TTC38: variants seen among roughly 807,000 people sequenced by gnomAD.
TTC38 encodes tetratricopeptide repeat protein 38.
A neutral mutation model predicts 64.2 loss-of-function variants in TTC38; 64 were observed. That is an observed-to-expected ratio of 1.00 (90% CI 0.81 to 1.23). The LOEUF is 1.23. Ranked by LOEUF, TTC38 falls within the 50% of genes most tolerant of loss-of-function variation. The pLI is 0.00. For synonymous variants in TTC38, 254 were observed against 249.3 expected, an observed-to-expected ratio of 1.02 and a Z score of -0.18; for missense variants, 573 against 615.5, an observed-to-expected ratio of 0.93 and a Z score of 0.73.
intron 13 of TTC38, among the ~76,000 whole-genome samples, chr22:46,290,923 T>C (rs2077610702): frequency 6.6e-6 from 1 of 152,112 alleles, no homozygotes; most frequent in South Asian, 2.1e-4. Context: ...AAAGGAAGAA[T>C]AGAGGAGTCA....
Position 46,274,380 on chromosome 22 carries a change from A to G in TTC38, c.365+311A>G, listed in dbSNP as rs1297015910. Among the ~76,000 whole-genome samples, 1 of 152,234 alleles carries G rather than the reference A, an allele frequency of 6.6e-6. No homozygotes were observed. The highest frequency in any genetic ancestry group is 1.5e-5 in the Non-Finnish European group (1 of 68,038). On this transcript the variant is annotated intron_variant, in intron 4 of 13. Coordinates refer to ENST00000381031, the MANE Select transcript of TTC38 (RefSeq NM_017931.4). This position sits in a 1 kb window ranked among gnomAD's most constrained non-coding sequence, Gnocchi z 4.8. ...GTCACACTACAGAAATTACTAGGTT[A>G]GGGAAGAGAGAAGAAAACATGCTTC... is the stretch of plus-strand genomic sequence containing the variant.
intron 2 of TTC38, among the ~76,000 whole-genome samples, chr22:46,269,470 G>A (rs2147782568): frequency 6.6e-6 from 1 of 152,328 alleles, no homozygotes; most frequent in Non-Finnish European, 1.5e-5. Context: ...TGACTTGAAG[G>A]TTGTCCATGA....
chr22:46,292,995 C>G lies in TTC38; in HGVS notation c.*111C>G. 1 of 771,362 alleles carries G rather than the reference C, an allele frequency of 1.3e-6. No homozygotes were observed. The highest frequency in any genetic ancestry group is 2.2e-6 in the Non-Finnish European group (1 of 451,444). 47.8% of individuals were successfully genotyped at this position (771,362 alleles called of 1,614,324 possible). On this transcript the variant is annotated 3_prime_UTR_variant, in exon 14 of 14. Transcript: ENST00000381031. This position sits in a 1 kb window ranked among gnomAD's most constrained non-coding sequence, Gnocchi z 6.5. ...GACGGCCAGAGCCTGTTTGTTAGGG[C>G]TGTTAGAGGGTGATCTTCAGTTTTA...
chr22:46,290,478 C>T (rs6008545), intron 13 of TTC38, among the ~76,000 whole-genome samples: 14,412 of 125,122 alleles, frequency 0.12, 2,032 homozygotes, highest in African/African-American at 0.32. Context: ...AGGAGGGTGG[C>T]GTGGCTGGAG....
rs1462279741 is a variant in TTC38, at chr22:46,285,275, C to A, written c.830C>A (p.Thr277Asn). 1 of 1,614,106 alleles carries A rather than the reference C, an allele frequency of 6.2e-7. No homozygotes were observed. The highest frequency in any genetic ancestry group is 1.1e-5 in the South Asian group (1 of 91,076). Residue 277 changes from threonine to asparagine, a missense_variant, in exon 9 of 14, where the codon ACC becomes AAC. Around this residue, in one of 3 missense-constraint regions of TTC38, gnomAD observed 371 missense variants for 381.8 expected, o/e 0.97. Transcript: ENST00000381031. ...EYEAALTIYDTHILPSLQAND... is the reference protein window; with the variant it reads ...EYEAALTIYDNHILPSLQAND... Reference sequence around the variant, plus strand: ...GAGGCCGCGCTGACCATCTACGATACCCACGTAAGTTGCATTCACACCGTG... The same window carrying A: ...GAGGCCGCGCTGACCATCTACGATAACCACGTAAGTTGCATTCACACCGTG...
In TTC38 at chr22:46,278,567, T is replaced by C. The variant is rs1569019254; in HGVS notation, c.540-19T>C. The C allele has an allele frequency of 6.2e-7, 1 of 1,606,136 alleles. No homozygotes were observed. Among genetic ancestry groups the C allele is most frequent in the Admixed American group, 1.7e-5 (1 of 60,018 alleles). ...CCATCCATCATTTTGTATTCTGAGATCTTTTTTTCTGTTTTTAGCTATGTG... is the reference window on the plus strand; with the variant it reads ...CCATCCATCATTTTGTATTCTGAGACCTTTTTTTCTGTTTTTAGCTATGTG... On this transcript the variant is annotated intron_variant, in intron 5 of 13. Coordinates refer to ENST00000381031, the MANE Select transcript of TTC38 (RefSeq NM_017931.4).
chr22:46,284,111 G>A lies in TTC38; in HGVS notation c.795+79G>A, dbSNP rs894612589. On this transcript the variant is annotated intron_variant, in intron 8 of 13. Coordinates refer to ENST00000381031, the MANE Select transcript of TTC38 (RefSeq NM_017931.4). ...GAAAGATTTTTCTAGCTTTTGCTAT[G>A]TATTCACATCCGTTGGAGCCCTGAT... The A allele has an allele frequency of 6.4e-6, 8 of 1,242,886 alleles. No individual in the cohort carries two copies. The East Asian group carries it at 1.6e-4, about 25-fold the overall frequency. 77.0% of individuals were successfully genotyped at this position (1,242,886 alleles called of 1,614,324 possible). A position where few individuals can be genotyped will look rare whatever the true frequency, so the allele number is the denominator to read the frequency against.
Position 46,291,726 on chromosome 22 carries a change from G to A in TTC38, c.1317-1065G>A, listed in dbSNP as rs1281561849. Among the ~76,000 whole-genome samples the A allele has an allele frequency of 4.6e-5, 7 of 152,140 alleles. No individual in the cohort carries two copies. Among genetic ancestry groups the A allele is most frequent in the East Asian group, 1.9e-4 (1 of 5,192 alleles). ...TCCCAGCACTTTCGGAGGCCAAGGC[G>A]GGTGGATCACCTGAGGTCAGGAGTT... is the stretch of plus-strand genomic sequence containing the variant. On this transcript the variant is annotated intron_variant, in intron 13 of 13. Transcript: ENST00000381031. This position sits in a 1 kb window ranked among gnomAD's most constrained non-coding sequence, Gnocchi z 4.6.
chr22:46,287,812 G>A (rs2077582477), intron 10 of TTC38, among the ~76,000 whole-genome samples: 1 of 152,246 alleles, frequency 6.6e-6, no homozygotes, highest in Non-Finnish European at 1.5e-5. Flanking sequence ...TCCTAGTGGA[G>A]GTGAAATGTG....
In TTC38 at chr22:46,270,769, G is replaced by T. The variant is rs1936877456; in HGVS notation, c.112-1566G>T. ...GGAATTCTTGAACCAGGGAGGTGGAGGTTGTAGTGAGCTGAGATAGTGCCA... is the reference window on the plus strand; with the variant it reads ...GGAATTCTTGAACCAGGGAGGTGGATGTTGTAGTGAGCTGAGATAGTGCCA... On this transcript the variant is annotated intron_variant, in intron 2 of 13. Transcript: ENST00000381031. This position sits in a 1 kb window ranked among gnomAD's most constrained non-coding sequence, Gnocchi z 4.7. Among the ~76,000 whole-genome samples the T allele has an allele frequency of 6.6e-6, 1 of 152,182 alleles. No homozygotes were observed. The highest frequency in any genetic ancestry group is 2.4e-5 in the African/African-American group (1 of 41,422).
chr22:46,284,028 A>G lies in TTC38; in HGVS notation c.791A>G (p.Glu264Gly). The change falls in exon 8 of 14, where the codon GAG becomes GGG. Residue 264 changes from glutamate (E) to glycine (G), a missense_variant. Around this residue, in one of 3 missense-constraint regions of TTC38, gnomAD observed 371 missense variants for 381.8 expected, o/e 0.97. Transcript: ENST00000381031. ...NYWHWALYLI[E>G]KGEYEAALTI... ...TGGCACTGGGCTTTATATCTGATTG[A>G]GAAGGTAAGGTGACCATCTGTTTGC... is the stretch of plus-strand genomic sequence containing the variant. The G allele has an allele frequency of 6.2e-7, 1 of 1,605,774 alleles. No homozygotes were observed. Among genetic ancestry groups the G allele is most frequent in the South Asian group, 1.1e-5 (1 of 90,804 alleles).
Position 46,282,113 on chromosome 22 carries a change from AG to A in TTC38, c.735+400del. 1 of 398,590 alleles carries A rather than the reference AG, an allele frequency of 2.5e-6. No homozygotes were observed. Among genetic ancestry groups the A allele is most frequent in the Non-Finnish European group, 5.3e-6 (1 of 189,916 alleles). 24.7% of individuals were successfully genotyped at this position (398,590 alleles called of 1,614,324 possible). A position where few individuals can be genotyped will look rare whatever the true frequency, so the allele number is the denominator to read the frequency against. On this transcript the variant is annotated intron_variant, in intron 7 of 13. Transcript: ENST00000381031. This position sits in a 1 kb window ranked among gnomAD's most constrained non-coding sequence, Gnocchi z 4.4. ...ACAGTGGCTAGGGAAGGCATCCTGG[AG>A]GGGGCAACCTCTGAGTTGGCTACTG...
rs540731426 is a variant in TTC38, at chr22:46,273,547, G to A, written c.194-351G>A. On this transcript the variant is annotated intron_variant, in intron 3 of 13. Transcript: ENST00000381031. The surrounding 1 kb of genome is among the most constrained non-coding windows in gnomAD (Gnocchi z 5.1). ...CCCCTTATGAGCAGCATCCACTGAT[G>A]CCTCCCGGGAGCCGTGTGCTGGCTG... Among the ~76,000 whole-genome samples the A allele has an allele frequency of 6.6e-5, 10 of 152,366 alleles. No individual in the cohort carries two copies. The highest frequency in any genetic ancestry group is 1.5e-4 in the Non-Finnish European group (10 of 68,036).
chr22:46,271,411 C>T lies in TTC38; in HGVS notation c.112-924C>T, dbSNP rs1260003209. ...GTATCTTTAGTAGAGACGGGGGTTT[C>T]ACCGTGTTAGCCAGGATGGTCTCGA... On this transcript the variant is annotated intron_variant, in intron 2 of 13. Transcript: ENST00000381031. This position sits in a 1 kb window ranked among gnomAD's most constrained non-coding sequence, Gnocchi z 5.5. 6.6e-6 allele frequency among the ~76,000 whole-genome samples: 1 copy of T among 152,028 alleles called. No homozygotes were observed. The highest frequency in any genetic ancestry group is 1.5e-5 in the Non-Finnish European group (1 of 67,990).
chr22:46,274,221 C>G lies in TTC38; in HGVS notation c.365+152C>G, dbSNP rs1936960355. ...AGATGCTCTGATGGAAAATCGCATC[C>G]TGTCTGCTTCCCTATTCTTGGTGGA... On this transcript the variant is annotated intron_variant, in intron 4 of 13. Transcript: ENST00000381031. This position sits in a 1 kb window ranked among gnomAD's most constrained non-coding sequence, Gnocchi z 4.8. 2 of 707,888 alleles carry G rather than the reference C, an allele frequency of 2.8e-6. No individual in the cohort carries two copies. Among genetic ancestry groups the G allele is most frequent in the Admixed American group, 2.8e-5 (1 of 35,170 alleles). 43.9% of individuals were successfully genotyped at this position (707,888 alleles called of 1,614,324 possible). A position where few individuals can be genotyped will look rare whatever the true frequency, so the allele number is the denominator to read the frequency against.
rs201433471 is a variant in TTC38 at position 46,289,397 on chromosome 22, C to T, written c.1083-5C>T. 616 of 1,607,078 alleles carry T rather than the reference C, an allele frequency of 3.8e-4. No homozygotes were observed. In the South Asian group the frequency reaches 5.7e-3, roughly 15 times the overall value. On this transcript the variant is annotated splice_polypyrimidine_tract_variant and splice_region_variant and intron_variant, in intron 11 of 13. Transcript: ENST00000381031. ...GCAGCTGAGGGCACCGTCTTGGGTTCGCAGATCCCCAGGGGAGAACTGCCA... is the reference window on the plus strand; with the variant it reads ...GCAGCTGAGGGCACCGTCTTGGGTTTGCAGATCCCCAGGGGAGAACTGCCA...
intron 8 of TTC38, 108 bp downstream of exon 8, chr22:46,284,140 A>G (rs993324304): frequency 1.1e-6 from 1 of 890,416 alleles, no homozygotes; most frequent in Non-Finnish European, 1.8e-6. Flanking sequence ...CCCTGATGCA[A>G]TGGAGCATTA....
chr22:46,290,036 G>A (rs2077602328), intron 13 of TTC38, 137 bp downstream of exon 13: 2 of 815,392 alleles, frequency 2.5e-6, no homozygotes, highest in Non-Finnish European at 4.1e-6. Flanking sequence ...AGGCTGTGGG[G>A]AATTTGGTTC....
Position 46,292,080 on chromosome 22 carries a change from C to G in TTC38, c.1317-711C>G. Reference sequence around the variant, plus strand: ...TGGCTGGGTTCAGTTTCTGCTGAGGCCTCTCTTCCTGGCTTGTGGACAGCC... The same window carrying G: ...TGGCTGGGTTCAGTTTCTGCTGAGGGCTCTCTTCCTGGCTTGTGGACAGCC... On this transcript the variant is annotated intron_variant, in intron 13 of 13. Transcript: ENST00000381031. The surrounding 1 kb of genome is among the most constrained non-coding windows in gnomAD (Gnocchi z 6.5). 3.0e-6 allele frequency: 1 copy of G among 333,968 alleles called. No homozygotes were observed. The highest frequency in any genetic ancestry group is 5.9e-6 in the Non-Finnish European group (1 of 170,778). The allele number at this position is 333,968 out of a possible 1,614,324, so 20.7% of individuals were successfully genotyped here. A position where few individuals can be genotyped will look rare whatever the true frequency, so the allele number is the denominator to read the frequency against.
Sources: gnomAD v4.1 joint callset for allele counts (sites outside exome capture counted in the v4.1 genomes callset) on GRCh38, gnomAD v4.1.1 for gene constraint, gnomAD v4.1.1 regional missense constraint, Gnocchi (gnomAD v3.1) non-coding constraint, MANE v1.5 for transcripts, NCBI Gene and HGNC (gene_info 2026-07-23, HGNC 2026-07-21) for gene names.